CACNA1H: variants seen among roughly 807,000 people sequenced by gnomAD.
CACNA1H encodes the protein calcium voltage-gated channel subunit alpha1 H.
CACNA1H carries 149 observed loss-of-function variants against 192.5 expected under a neutral mutation model. The ratio of observed to expected loss-of-function variants is 0.77; its 90% CI spans 0.68 to 0.89. CACNA1H has a LOEUF of 0.89. Among genes scored for constraint, CACNA1H ranks in the 40% least tolerant of loss-of-function variants. The probability of loss-of-function intolerance (pLI) is 0.00; values close to 1 mark genes in which losing one functional copy is unlikely to be tolerated. For missense variants in CACNA1H, 4,257 were observed against 3,423.5 expected, an observed-to-expected ratio of 1.24 and a Z score of -6.08; for synonymous variants, 2,202 against 1,475.2, an observed-to-expected ratio of 1.49 and a Z score of -11.29.
In CACNA1H at chr16:1,215,576, G is replaced by A. The variant is rs1327353772; in HGVS notation, c.5227G>A (p.Val1743Met). Residue 1743 changes from valine (V) to methionine (M), a missense_variant, in exon 30 of 35, where the codon GTG becomes ATG. Physicochemically the swap from Val to Met is conservative, Grantham distance 21 (BLOSUM62 1). Coordinates refer to ENST00000348261, the MANE Select transcript of CACNA1H (RefSeq NM_021098.3). ...TGMRALLDTV[V>M]QALPQVGNLG... Reference sequence around the variant, plus strand: ...CATGCGCGCCCTGCTGGACACTGTGGTGCAAGCTCTCCCCCAGGTAGGTGG... The same window carrying A: ...CATGCGCGCCCTGCTGGACACTGTGATGCAAGCTCTCCCCCAGGTAGGTGG... 2.5e-6 allele frequency: 4 copies of A among 1,611,512 alleles called. No homozygotes were observed. Among genetic ancestry groups the A allele is most frequent in the African/African-American group, 1.3e-5 (1 of 74,922 alleles).
chr16:1,198,745 C>A lies in CACNA1H; in HGVS notation c.774C>A (p.Asn258Lys). The change falls in exon 6 of 35, where the codon AAC becomes AAA. Residue 258 changes from asparagine to lysine, a missense_variant. Asn to Lys is a moderately conservative substitution (Grantham distance 94). Coordinates refer to ENST00000348261, the MANE Select transcript of CACNA1H (RefSeq NM_021098.3). ...GVQLWAGLLR[N>K]RCFLDSAFVR... ...AGCTCTGGGCTGGCCTCCTGCGGAA[C>A]CGCTGCTTCCTGGACAGTGCCTTTG... The A allele has an allele frequency of 6.2e-7, 1 of 1,612,584 alleles. No individual in the cohort carries two copies. The highest frequency in any genetic ancestry group is 8.5e-7 in the Non-Finnish European group (1 of 1,179,496).
rs1194082085 is a variant in CACNA1H at position 1,167,296 on chromosome 16, T to C, written c.299+13260T>C. Among the ~76,000 whole-genome samples, 1 of 151,890 alleles carries C rather than the reference T, an allele frequency of 6.6e-6. No individual in the cohort carries two copies. The highest frequency in any genetic ancestry group is 1.5e-5 in the Non-Finnish European group (1 of 68,004). On this transcript the variant is annotated intron_variant, in intron 2 of 34. Transcript: ENST00000348261. This position sits in a 1 kb window ranked among gnomAD's most constrained non-coding sequence, Gnocchi z 4.2. The stretch of plus-strand genomic sequence containing the variant: ...GTGGGGCTTGCCGGCCGCCCGCGAA[T>C]GTCAGGAACCTTGGATTCCTGACAC...
chr16:1,174,235 C>T (rs551633256), intron 2 of CACNA1H, among the ~76,000 whole-genome samples: 2 of 152,146 alleles, frequency 1.3e-5, no homozygotes, highest in African/African-American at 2.4e-5. Context: ...GCTGAAGTCT[C>T]CTGTGGGGCT....
rs760736442 is a variant in CACNA1H, at chr16:1,202,016, TCAC to T, written c.1582_1584del (p.His528del). The T allele has an allele frequency of 3.6e-5, 56 of 1,536,528 alleles. No individual in the cohort carries two copies. The highest frequency in any genetic ancestry group is 1.7e-4 in the Middle Eastern group (1 of 5,950). On this transcript the variant is annotated inframe_deletion, in exon 9 of 35. Transcript: ENST00000348261. ...TGCACCACCTGGTCTACCACCACCA[TCAC>T]CACCACCACCACCACTACCATTTCA...
chr16:1,179,739 T>TTC (rs1965279031), intron 2 of CACNA1H, among the ~76,000 whole-genome samples: 1 of 145,188 alleles, frequency 6.9e-6, no homozygotes, highest in Admixed American at 6.8e-5. Context: ...TCTTTTTTTT[T>TTC]TTTTTTTTTT....
rs117964326 is a variant in CACNA1H, at chr16:1,220,475, G to T, written c.6543G>T (p.Ala2181=). The change falls in exon 35 of 35, where the codon GCG becomes GCT. Residue 2181 remains alanine (A), a synonymous_variant. Transcript: ENST00000348261. The part of the protein sequence containing the change: ...WGPEAEPALG[A]RRKKKMSPPC... The stretch of plus-strand genomic sequence containing the variant: ...CTGAGGCCGAGCCCGCTCTGGGTGC[G>T]CGCAGAAAGAAGAAGATGAGCCCCC... The T allele has an allele frequency of 1.3e-6, 2 of 1,546,704 alleles. No homozygotes were observed. Among genetic ancestry groups the T allele is most frequent in the Admixed American group, 2.2e-5 (1 of 45,932 alleles).
intron 2 of CACNA1H, among the ~76,000 whole-genome samples, chr16:1,166,118 C>T (rs76985892): frequency 0.048 from 7,340 of 152,304 alleles, 578 homozygotes; most frequent in African/African-American, 0.17. Flanking sequence ...CTCACTCAGA[C>T]TCAGAGGATG....
At chr16:1,175,003 C>T (rs866861081) in intron 2 of CACNA1H, among the ~76,000 whole-genome samples, 10 of 146,700 alleles carry the variant, frequency 6.8e-5, no homozygotes, top group African/African-American at 2.5e-4. Flanking sequence ...TGGTGGGTCT[C>T]AGGGCTGCAT....
intron 2 of CACNA1H, among the ~76,000 whole-genome samples, chr16:1,169,019 C>T (rs758251551): frequency 3.9e-5 from 6 of 152,192 alleles, no homozygotes; most frequent in East Asian, 3.9e-4. Context: ...GCCAGGGTTA[C>T]GAGTGCGTGG....
intron 2 of CACNA1H, among the ~76,000 whole-genome samples, chr16:1,156,726 G>A (rs558354005): frequency 5.9e-5 from 9 of 152,128 alleles, no homozygotes; most frequent in African/African-American, 2.2e-4. Flanking sequence ...GCTCCCGGGG[G>A]TTGGCAGAGC....
In CACNA1H at chr16:1,213,867, T is replaced by A. The variant is rs1320913463; in HGVS notation, c.4865T>A (p.Phe1622Tyr). ...TGCACCAGCCACTATCTCGACCTCT[T>A]CATCACCTTCATCATCTGTGTCAAC... ...SLCTSHYLDL[F>Y]ITFIICVNVI... The change falls in exon 27 of 35, where the codon TTC becomes TAC. Residue 1622 changes from phenylalanine to tyrosine, a missense_variant. Phe to Tyr is a conservative substitution (Grantham distance 22). Transcript: ENST00000348261. 1 of 1,610,800 alleles carries A rather than the reference T, an allele frequency of 6.2e-7. No individual in the cohort carries two copies. The highest frequency in any genetic ancestry group is 1.1e-5 in the South Asian group (1 of 90,368).
chr16:1,170,923 G>A (rs952424098), intron 2 of CACNA1H, among the ~76,000 whole-genome samples: 20 of 152,170 alleles, frequency 1.3e-4, no homozygotes, highest in African/African-American at 4.8e-4. Flanking sequence ...TTCCCGTGTG[G>A]AGGGTTGGGG....
intron 6 of CACNA1H, 65 bp downstream of exon 6, chr16:1,198,839 A>ACCATGTGGCTCCACCGCC: frequency 1.3e-6 from 2 of 1,481,492 alleles, no homozygotes; most frequent in Non-Finnish European, 1.8e-6. Flanking sequence ...CAGATAACGC[A>ACCATGTGGCTCCACCGCC]CCATGTGGCT....
chr16:1,218,699 G>A (rs867223294), intron 33 of CACNA1H, 48 bp downstream of exon 33: 23 of 1,470,672 alleles, frequency 1.6e-5, no homozygotes, highest in Middle Eastern at 4.2e-4. Flanking sequence ...AGCAGGACAG[G>A]GAGGAAGATG....
chr16:1,207,124 GCCCGGGGTC>G lies in CACNA1H; in HGVS notation c.2907+11_2907+19del. 1 of 1,579,540 alleles carries G rather than the reference GCCCGGGGTC, an allele frequency of 6.3e-7. No individual in the cohort carries two copies. Among genetic ancestry groups the G allele is most frequent in the East Asian group, 2.3e-5 (1 of 43,114 alleles). ...CCATCGTCACCGTGTTCCAGGTAGT[GCCCGGGGTC>G]CCCGCAGCAGTGTTGGGTGCTGAGT... On this transcript the variant is annotated splice_region_variant and intron_variant, in intron 13 of 34. Coordinates refer to ENST00000348261, the MANE Select transcript of CACNA1H (RefSeq NM_021098.3).
chr16:1,186,435 C>T lies in CACNA1H; in HGVS notation c.300-8537C>T, dbSNP rs529144532. 7.9e-5 allele frequency among the ~76,000 whole-genome samples: 12 copies of T among 152,192 alleles called. 1 individual carries two copies. The highest frequency in any genetic ancestry group is 2.7e-4 in the African/African-American group (11 of 41,494). On this transcript the variant is annotated intron_variant, in intron 2 of 34. Transcript: ENST00000348261. ...TGGATTCGCCGTGCAGAAAGCCGGA[C>T]GATGCCGCGGCGTGGGGTGAACGTC... is the stretch of plus-strand genomic sequence containing the variant.
intron 31 of CACNA1H, 135 bp downstream of exon 31, chr16:1,217,145 C>A: frequency 1.4e-6 from 1 of 721,944 alleles, no homozygotes; most frequent in Non-Finnish European, 2.3e-6. Context: ...CCTGGGCGTC[C>A]TCACCCGGCC....
At chr16:1,207,917 CG>C in intron 15 of CACNA1H, 57 bp downstream of exon 15, 1 of 1,542,832 alleles carries the variant, frequency 6.5e-7, no homozygotes, top group Non-Finnish European at 8.8e-7. Context: ...CTGGGCTGGC[CG>C]GGCAGGGCCC....
intron 2 of CACNA1H, among the ~76,000 whole-genome samples, chr16:1,168,824 G>A (rs1257863526): frequency 1.3e-5 from 2 of 152,060 alleles, no homozygotes; most frequent in African/African-American, 4.8e-5. Flanking sequence ...GAGGAGGGGT[G>A]AGGCTGTCTG....
Sources: allele counts gnomAD v4.1 joint callset (sites outside exome capture counted in the v4.1 genomes callset), GRCh38; gene constraint gnomAD v4.1.1; non-coding constraint Gnocchi (gnomAD v3.1); transcripts MANE v1.5; gene names NCBI Gene and HGNC (gene_info 2026-07-23, HGNC 2026-07-21).